The following ABCA8 variants were observed in gnomAD, a reference collection of about 807,000 sequenced individuals.
ABCA8 encodes ABC-type organic anion transporter ABCA8.
Under a neutral mutation model 192.3 loss-of-function variants are expected in ABCA8, and 177 were observed. The observed-to-expected ratio is 0.92, with a 90% CI of 0.81 to 1.04. The LOEUF (loss-of-function observed/expected upper bound fraction) is 1.04, where lower values mean the gene tolerates loss of function less well. ABCA8 is among the 50% of genes least tolerant of loss of function. The pLI, the probability that ABCA8 is intolerant of heterozygous loss-of-function variation, is 0.00. For missense variants in ABCA8, 1,915 were observed against 1,904.8 expected, an observed-to-expected ratio of 1.01 and a Z score of -0.10; for synonymous variants, 642 against 690.2, an observed-to-expected ratio of 0.93 and a Z score of 1.09.
intron 17 of ABCA8, among the ~76,000 whole-genome samples, chr17:68,916,064 T>C (rs140199093): frequency 1.3e-3 from 192 of 152,112 alleles, no homozygotes; most frequent in African/African-American, 4.6e-3. Flanking sequence ...TTTGTGAGAG[T>C]TGAAAATTAA....
rs368204943 is a variant in ABCA8 at position 68,876,562 on chromosome 17, G to A, written c.4276-8C>T. On this transcript the variant is annotated splice_region_variant and splice_polypyrimidine_tract_variant and intron_variant, in intron 34 of 39. Coordinates refer to ENST00000586539, the MANE Select transcript of ABCA8 (RefSeq NM_001288985.2). ...GCTCAGGACAAAGCACAGCTGCAACGGGAGGAACAGCCCATCTGGTTCCCA... is the reference window on the plus strand; with the variant it reads ...GCTCAGGACAAAGCACAGCTGCAACAGGAGGAACAGCCCATCTGGTTCCCA... The A allele has an allele frequency of 6.2e-6, 10 of 1,613,976 alleles. No individual in the cohort carries two copies. Among genetic ancestry groups the A allele is most frequent in the African/African-American group, 2.7e-5 (2 of 74,900 alleles).
intron 3 of ABCA8, 89 bp from the exon 4 acceptor site, chr17:68,941,051 A>G (rs1486752875): frequency 3.1e-6 from 3 of 981,284 alleles, no homozygotes; most frequent in African/African-American, 3.3e-5. Context: ...CCTCTTTTTT[A>G]CTTTTCTAAC....
At chr17:68,941,611 T>C (rs999281193) in intron 3 of ABCA8, among the ~76,000 whole-genome samples, 3 of 152,186 alleles carry the variant, frequency 2.0e-5, no homozygotes, top group Admixed American at 2.0e-4. Flanking sequence ...TTGTTTACCA[T>C]ATCTTTGGAA....
intron 5 of ABCA8, among the ~76,000 whole-genome samples, chr17:68,936,622 T>C (rs2068073789): frequency 6.6e-6 from 1 of 152,108 alleles, no homozygotes; most frequent in South Asian, 2.1e-4. Flanking sequence ...TGAAGGGAAA[T>C]TTGTTCTATC....
chr17:68,875,141 C>T, intron 37 of ABCA8, 119 bp downstream of exon 37: 2 of 1,394,038 alleles, frequency 1.4e-6, no homozygotes, highest in Non-Finnish European at 9.7e-7. Context: ...TTACTTCCTG[C>T]AGAATCCAAC....
chr17:68,930,797 T>C (rs1157873427), intron 7 of ABCA8, among the ~76,000 whole-genome samples: 2 of 152,186 alleles, frequency 1.3e-5, no homozygotes, highest in African/African-American at 4.8e-5. Context: ...AATATTGATG[T>C]ATAAGATGTT....
Position 68,891,576 on chromosome 17 carries a change from G to A in ABCA8, c.3057C>T (p.Ile1019=), listed in dbSNP as rs140050731. ...AGAACATGATATATGCCAGGAATCCGATTGGATTGTCCTGTCCATTCTGAA... is the reference window on the plus strand; with the variant it reads ...AGAACATGATATATGCCAGGAATCCAATTGGATTGTCCTGTCCATTCTGAA... ...TFLENGQDNP[I]GFLAYIMFWL... is the part of the protein sequence containing the mutation. The change falls in exon 24 of 40, where the codon ATC becomes ATT. Residue 1019 remains isoleucine (I), a synonymous_variant. Coordinates refer to ENST00000586539, the MANE Select transcript of ABCA8 (RefSeq NM_001288985.2). 403 of 1,612,102 alleles carry A rather than the reference G, an allele frequency of 2.5e-4. No homozygotes were observed. In the African/African-American group the frequency reaches 4.3e-3, roughly 17 times the overall value.
rs575245439 is a variant in ABCA8 at position 68,903,447 on chromosome 17, C to G, written c.2451G>C (p.Arg817Ser). The G allele has an allele frequency of 2.4e-5, 39 of 1,614,116 alleles. 1 individual carries two copies. Among genetic ancestry groups the G allele is most frequent in the Middle Eastern group, 3.3e-4 (2 of 6,062 alleles). ...AGAGGACTTGTTCCATCTCAACAAG[C>G]CTTTCAGTGTCGTCAGCTTTTTCCG... ...VQAEKADDTE[R>S]LVEMEQVLSS... is the part of the protein sequence containing the mutation. The change falls in exon 20 of 40, where the codon AGG (arginine) becomes AGC (serine). Residue 817 changes from arginine (R) to serine (S), a missense_variant. Arg to Ser is a moderately radical substitution (Grantham distance 110). Transcript: ENST00000586539.
rs2066241381 is a variant in ABCA8 at position 68,877,637 on chromosome 17, G to A, written c.4081C>T (p.Leu1361=). Residue 1361 remains leucine, a synonymous_variant, in exon 33 of 40, where the codon CTG becomes TTG. Coordinates refer to ENST00000586539, the MANE Select transcript of ABCA8 (RefSeq NM_001288985.2). ...GSGGGDALEF[L]GYCPQENALW... is the part of the protein sequence containing the mutation. ...GCGTTCTCCTGAGGGCAGTACCCCA[G>A]GAACTCCAGGGCATCCCCTCCACCG... 6.2e-7 allele frequency: 1 copy of A among 1,613,844 alleles called. No individual in the cohort carries two copies. Among genetic ancestry groups the A allele is most frequent in the Admixed American group, 1.7e-5 (1 of 60,014 alleles).
chr17:68,934,955 T>C (rs555785913), intron 5 of ABCA8, among the ~76,000 whole-genome samples: 1 of 152,328 alleles, frequency 6.6e-6, no homozygotes, highest in Non-Finnish European at 1.5e-5. Flanking sequence ...TGTTGTTTTA[T>C]GAAATTCCTA....
chr17:68,954,954 G>A (rs1032212639), intron 1 of ABCA8, among the ~76,000 whole-genome samples: 1 of 152,056 alleles, frequency 6.6e-6, no homozygotes, highest in Non-Finnish European at 1.5e-5. Context: ...ACTCAGTTAT[G>A]TTTAAAACAA....
At chr17:68,918,393 CTT>C in intron 15 of ABCA8, 32 bp downstream of exon 15, 1 of 1,547,606 alleles carries the variant, frequency 6.5e-7, no homozygotes, top group Non-Finnish European at 8.7e-7. Flanking sequence ...ATTTTTTAAA[CTT>C]TGAATTCACC....
chr17:68,875,676 G>A lies in ABCA8; in HGVS notation c.4428C>T (p.His1476=), dbSNP rs1367797109. The A allele has an allele frequency of 6.2e-7, 1 of 1,614,088 alleles. No individual in the cohort carries two copies. Among genetic ancestry groups the A allele is most frequent in the Non-Finnish European group, 8.5e-7 (1 of 1,180,034 alleles). ...ACACGGCCTCAGCCTCTGCCATGTA[G>A]TGGGTGGTTAGGAGGGCACCCCTTT... is the stretch of plus-strand genomic sequence containing the variant. The part of the protein sequence containing the change: ...NTERGALLTT[H]YMAEAEAVCD... The change falls in exon 36 of 40, where the codon CAC becomes CAT. Residue 1476 remains histidine, a synonymous_variant. Transcript: ENST00000586539.
chr17:68,918,010 G>C, intron 16 of ABCA8, 37 bp downstream of exon 16: 1 of 1,609,420 alleles, frequency 6.2e-7, no homozygotes, highest in South Asian at 1.1e-5. Flanking sequence ...ATCTCTTAAA[G>C]TCCTCCTCAG....
At chr17:68,908,258 AG>A (rs1459017030) in intron 17 of ABCA8, among the ~76,000 whole-genome samples, 2 of 152,180 alleles carry the variant, frequency 1.3e-5, no homozygotes, top group Non-Finnish European at 1.5e-5. Flanking sequence ...TTGCAGTTGA[AG>A]GTTCAGTTTT....
chr17:68,881,588 T>A (rs1480394035), intron 31 of ABCA8, among the ~76,000 whole-genome samples: 1 of 152,366 alleles, frequency 6.6e-6, no homozygotes, highest in East Asian at 1.9e-4. Flanking sequence ...CAATGAACTT[T>A]AGGAAATCAA....
At chr17:68,888,756 A>C (rs2066553280) in intron 24 of ABCA8, among the ~76,000 whole-genome samples, 1 of 152,220 alleles carries the variant, frequency 6.6e-6, no homozygotes, top group Admixed American at 6.5e-5. Flanking sequence ...CTTGGAGGTC[A>C]AATTAGATAC....
At chr17:68,929,263 A>C (rs369668312) in intron 8 of ABCA8, 29 bp from the exon 9 acceptor site, 1 of 1,528,238 alleles carries the variant, frequency 6.5e-7, no homozygotes, top group Non-Finnish European at 8.8e-7. Context: ...TAGTTGGTTT[A>C]TGTTTCTCTA....
In ABCA8 at chr17:68,918,149, GATCCA is replaced by G. The variant is rs748586447; in HGVS notation, c.1940_1944del (p.Leu647SerfsTer29). 5.0e-6 allele frequency: 8 copies of G among 1,614,026 alleles called. No individual in the cohort carries two copies. The highest frequency in any genetic ancestry group is 6.8e-6 in the Non-Finnish European group (8 of 1,180,016). On this transcript the variant is annotated frameshift_variant, in exon 16 of 40. Coordinates refer to ENST00000586539, the MANE Select transcript of ABCA8 (RefSeq NM_001288985.2). LOFTEE classifies it high-confidence loss of function. Reference sequence around the variant, plus strand: ...TTCCATACTTGGTGTCTTGAAAAGGGATCCAATCCAGCAGTTGGTTCATCCAACAG... The same window carrying G: ...TTCCATACTTGGTGTCTTGAAAAGGGATCCAGCAGTTGGTTCATCCAACAG...
Sources: gnomAD v4.1 joint callset for allele counts (sites outside exome capture counted in the v4.1 genomes callset) on GRCh38, gnomAD v4.1.1 for gene constraint, MANE v1.5 for transcripts, NCBI Gene and HGNC (gene_info 2026-07-23, HGNC 2026-07-21) for gene names.